Variants in MSRA observed in about 807,000 individuals in gnomAD.
MSRA encodes the protein mitochondrial peptide methionine sulfoxide reductase.
Under a neutral mutation model 31.3 loss-of-function variants are expected in MSRA, and 54 were observed. The ratio of observed to expected loss-of-function variants is 1.73; its 90% CI spans 1.39 to 2.17. The LOEUF (loss-of-function observed/expected upper bound fraction) is 2.17. Among genes scored for constraint, MSRA ranks in the 30% most tolerant of loss-of-function variants. The pLI is 0.00. For missense variants in MSRA, 507 were observed against 300.9 expected, an observed-to-expected ratio of 1.69 and a Z score of -5.07; for synonymous variants, 169 against 116.5, an observed-to-expected ratio of 1.45 and a Z score of -2.90.
intron 3 of MSRA, among the ~76,000 whole-genome samples, chr8:10,255,490 C>G (rs976696673): frequency 6.6e-6 from 1 of 152,178 alleles, no homozygotes; most frequent in African/African-American, 2.4e-5. Flanking sequence ...GTCCCTTCCC[C>G]CTCGGTCCCG....
At chr8:10,419,252 T>A (rs1808669340) in intron 5 of MSRA, among the ~76,000 whole-genome samples, 1 of 152,074 alleles carries the variant, frequency 6.6e-6, no homozygotes, top group African/African-American at 2.4e-5. Flanking sequence ...GGCTTCCTTA[T>A]CCCACAGCCC....
chr8:10,055,920 C>T (rs540958983), intron 1 of MSRA, among the ~76,000 whole-genome samples: 3 of 152,084 alleles, frequency 2.0e-5, no homozygotes, highest in South Asian at 2.1e-4. Context: ...ATTTCACCTG[C>T]TACTCAGCCG....
chr8:10,264,918 A>C (rs1031568319), intron 3 of MSRA, among the ~76,000 whole-genome samples: 4 of 152,114 alleles, frequency 2.6e-5, no homozygotes, highest in Non-Finnish European at 2.9e-5. Context: ...CCTCTATGCG[A>C]TGAGAAGCTT....
chr8:10,064,798 G>A (rs868139636), intron 1 of MSRA, among the ~76,000 whole-genome samples: 49 of 152,176 alleles, frequency 3.2e-4, no homozygotes, highest in Admixed American at 1.1e-3. Flanking sequence ...GTTCAGATGA[G>A]GCCACAAATT....
Position 10,132,535 on chromosome 8 carries a change from C to G in MSRA, c.143-75298C>G, listed in dbSNP as rs373477584. On this transcript the variant is annotated intron_variant, in intron 1 of 5. Transcript: ENST00000317173. ...CTGGCAGACTTGGGAAGTCCAAGATCAAGGCACTGGCAGATTTGGTGTCTG... is the reference window on the plus strand; with the variant it reads ...CTGGCAGACTTGGGAAGTCCAAGATGAAGGCACTGGCAGATTTGGTGTCTG... Among the ~76,000 whole-genome samples the G allele has an allele frequency of 2.0e-5, 3 of 152,144 alleles. No individual in the cohort carries two copies. The East Asian group carries it at 5.8e-4, about 29-fold the overall frequency.
chr8:10,285,715 C>T (rs969913433), intron 3 of MSRA, among the ~76,000 whole-genome samples: 1 of 152,038 alleles, frequency 6.6e-6, no homozygotes, highest in African/African-American at 2.4e-5. Context: ...ACTTTTTCAG[C>T]TTCCACGTAT....
intron 1 of MSRA, among the ~76,000 whole-genome samples, chr8:10,095,088 T>A (rs1264751176): frequency 6.6e-6 from 1 of 152,244 alleles, no homozygotes; most frequent in East Asian, 1.9e-4. Context: ...TTAATTTTAA[T>A]CTGCATGCCT....
chr8:10,132,142 G>C (rs1318567373), intron 1 of MSRA, among the ~76,000 whole-genome samples: 2 of 152,176 alleles, frequency 1.3e-5, no homozygotes, highest in South Asian at 2.1e-4. Context: ...TAATTTATCT[G>C]AACCGTGCTT....
At chr8:10,265,690 A>G (rs1481261070) in intron 3 of MSRA, among the ~76,000 whole-genome samples, 2 of 152,216 alleles carry the variant, frequency 1.3e-5, no homozygotes, top group South Asian at 2.1e-4. Context: ...AGCCCTCACC[A>G]CAGTCAAGAT....
intron 3 of MSRA, among the ~76,000 whole-genome samples, chr8:10,266,361 C>G (rs913921457): frequency 6.6e-6 from 1 of 152,172 alleles, no homozygotes; most frequent in Non-Finnish European, 1.5e-5. Flanking sequence ...ATTATTTTGT[C>G]ATGAACTTAC....
At chr8:10,233,390 T>A (rs991447624) in intron 2 of MSRA, among the ~76,000 whole-genome samples, 1 of 152,246 alleles carries the variant, frequency 6.6e-6, no homozygotes, top group African/African-American at 2.4e-5. Flanking sequence ...AAATGAAATA[T>A]AAATTGACTC....
At chr8:10,249,482 G>C (rs1797805123) in intron 3 of MSRA, among the ~76,000 whole-genome samples, 1 of 152,118 alleles carries the variant, frequency 6.6e-6, no homozygotes, top group African/African-American at 2.4e-5. Context: ...ATTTAAACCT[G>C]TTTTAAAAGT....
intron 5 of MSRA, among the ~76,000 whole-genome samples, chr8:10,335,491 A>G (rs1802984054): frequency 6.6e-6 from 1 of 151,912 alleles, no homozygotes; most frequent in Non-Finnish European, 1.5e-5. Flanking sequence ...TGAACTGGGG[A>G]GGCGATTGGA....
rs570972536 is a variant in MSRA, at chr8:10,282,910, G to C, written c.332-18624G>C. Among the ~76,000 whole-genome samples the C allele has an allele frequency of 5.3e-5, 8 of 152,164 alleles. No homozygotes were observed. In the East Asian group the frequency reaches 1.5e-3, roughly 29 times the overall value. ...TGAGGAAAAGATTTGCATGTAATTA[G>C]CCTCCTTCCACCTCCCTCCAGAAAA... On this transcript the variant is annotated intron_variant, in intron 3 of 5. Transcript: ENST00000317173.
rs1798511749 is a variant in MSRA at position 10,262,030 on chromosome 8, C to G, written c.331+16807C>G. ...ACTTAGCAGTATGTATTTAACGGTACTCCATGTCTTTCTGGGGCTTGATGG... is the reference window on the plus strand; with the variant it reads ...ACTTAGCAGTATGTATTTAACGGTAGTCCATGTCTTTCTGGGGCTTGATGG... On this transcript the variant is annotated intron_variant, in intron 3 of 5. Transcript: ENST00000317173. Among the ~76,000 whole-genome samples, 3 of 152,188 alleles carry G rather than the reference C, an allele frequency of 2.0e-5. No homozygotes were observed. The South Asian group carries it at 6.2e-4, about 32-fold the overall frequency.
At chr8:10,271,610 T>G (rs1003985094) in intron 3 of MSRA, among the ~76,000 whole-genome samples, 1 of 152,258 alleles carries the variant, frequency 6.6e-6, no homozygotes, top group African/African-American at 2.4e-5. Flanking sequence ...CTACAAAAAA[T>G]TCCGATTTAT....
intron 1 of MSRA, among the ~76,000 whole-genome samples, chr8:10,149,121 A>G (rs1186450209): frequency 2.8e-5 from 2 of 70,424 alleles, no homozygotes; most frequent in African/African-American, 7.4e-5. Flanking sequence ...ACACCTGGCT[A>G]ACTTTTTTTT....
chr8:10,340,197 C>T (rs770895258), intron 5 of MSRA, among the ~76,000 whole-genome samples: 1 of 152,134 alleles, frequency 6.6e-6, no homozygotes, highest in Non-Finnish European at 1.5e-5. Context: ...ACACACCTGC[C>T]CATTCCCAGC....
chr8:10,113,582 ATAAAG>A (rs1290580170), intron 1 of MSRA, among the ~76,000 whole-genome samples: 1 of 151,574 alleles, frequency 6.6e-6, no homozygotes, highest in African/African-American at 2.4e-5. Flanking sequence ...GGAGATTTGA[ATAAAG>A]TAGGTAATAA....
Sources: gnomAD v4.1 joint callset for allele counts (sites outside exome capture counted in the v4.1 genomes callset) on GRCh38, gnomAD v4.1.1 for gene constraint, MANE v1.5 for transcripts, NCBI Gene and HGNC (gene_info 2026-07-23, HGNC 2026-07-21) for gene names.